The following SUSD5 variants were observed in gnomAD, a reference collection of about 807,000 sequenced individuals.
SUSD5 encodes the protein sushi domain containing 5.
In SUSD5, 33 loss-of-function variants were observed where a neutral mutation model predicts 29.5. The observed-to-expected ratio is 1.12, with a 90% CI of 0.85 to 1.49. The LOEUF is 1.49. SUSD5 is among the 40% of genes most tolerant of loss of function. The pLI is 0.00. For synonymous variants in SUSD5, 308 were observed against 325.3 expected (o/e 0.95, Z 0.57); for missense variants, 776 against 800.6 (o/e 0.97, Z 0.37).
chr3:33,181,488 C>T (rs995246795), intron 3 of SUSD5, among the ~76,000 whole-genome samples: 4 of 151,640 alleles, frequency 2.6e-5, no homozygotes, highest in Admixed American at 6.6e-5. Flanking sequence ...GACTCTCAAG[C>T]AATCCTCCTG....
chr3:33,181,936 T>C (rs1487756844), intron 3 of SUSD5, among the ~76,000 whole-genome samples: 2 of 152,242 alleles, frequency 1.3e-5, no homozygotes, highest in Non-Finnish European at 2.9e-5. Context: ...AATGTATCCC[T>C]GCTGTTAGTC....
At chr3:33,215,033 C>T (rs898645243) in intron 1 of SUSD5, among the ~76,000 whole-genome samples, 7 of 151,870 alleles carry the variant, frequency 4.6e-5, no homozygotes, top group Non-Finnish European at 8.8e-5. Flanking sequence ...AAGTCATCTA[C>T]TTGCAAAATT....
intron 4 of SUSD5, among the ~76,000 whole-genome samples, chr3:33,173,740 T>C (rs1449160959): frequency 2.0e-5 from 3 of 152,150 alleles, no homozygotes; most frequent in Admixed American, 6.5e-5. Context: ...CTAGATGTCA[T>C]GGGAGGTCAG....
intron 1 of SUSD5, among the ~76,000 whole-genome samples, chr3:33,217,018 T>C (rs1354129251): frequency 6.6e-6 from 1 of 152,208 alleles, no homozygotes; most frequent in East Asian, 1.9e-4. Flanking sequence ...TGCTCTGGTG[T>C]TGTCCTTACT....
intron 2 of SUSD5, among the ~76,000 whole-genome samples, chr3:33,209,336 T>C (rs888028970): frequency 6.6e-6 from 1 of 152,218 alleles, no homozygotes; most frequent in East Asian, 1.9e-4. Flanking sequence ...TTTTCTTCAA[T>C]TGTGGATCAT....
rs915043853 is a variant in SUSD5 at position 33,151,210 on chromosome 3, C to G, written c.*1532G>C. 2 of 152,204 alleles carry G rather than the reference C, an allele frequency of 1.3e-5. No homozygotes were observed. The highest frequency in any genetic ancestry group is 1.3e-4 in the Admixed American group (2 of 15,292). 9.4% of individuals were successfully genotyped at this position (152,204 alleles called of 1,614,324 possible). ...GGCTTGTTAAAAACAGAACTGGGCC[C>G]TACTCCCAGGGTTCCTGTTTCCTGA... On this transcript the variant is annotated 3_prime_UTR_variant, in exon 5 of 5. Transcript: ENST00000309558.
At chr3:33,190,709 T>C (rs972523779) in intron 3 of SUSD5, among the ~76,000 whole-genome samples, 1 of 152,208 alleles carries the variant, frequency 6.6e-6, no homozygotes, top group Non-Finnish European at 1.5e-5. Flanking sequence ...GGACAGAAGA[T>C]GCAGGCAGAG....
At chr3:33,169,406 C>A (rs60995467) in intron 4 of SUSD5, among the ~76,000 whole-genome samples, 111,984 of 151,714 alleles carry the variant, frequency 0.74, 41,632 homozygotes, top group South Asian at 0.92. Flanking sequence ...TATTTAGTAG[C>A]GACGGGGTTT....
intron 3 of SUSD5, among the ~76,000 whole-genome samples, chr3:33,195,585 A>T (rs1302238520): frequency 6.6e-6 from 1 of 152,228 alleles, no homozygotes. Flanking sequence ...GAAGATGTTC[A>T]ATCATGGTAT....
At chr3:33,185,207 C>T (rs904831854) in intron 3 of SUSD5, among the ~76,000 whole-genome samples, 5 of 152,218 alleles carry the variant, frequency 3.3e-5, no homozygotes, top group African/African-American at 9.6e-5. Context: ...ATTTCCCTCC[C>T]TCCAGCAGGT....
At chr3:33,198,340 T>C (rs2032036034) in intron 3 of SUSD5, among the ~76,000 whole-genome samples, 1 of 152,224 alleles carries the variant, frequency 6.6e-6, no homozygotes, top group South Asian at 2.1e-4. Flanking sequence ...AACCCAGGGA[T>C]TCTGGGTACA....
chr3:33,150,760 G>A lies in SUSD5; in HGVS notation c.*1982C>T, dbSNP rs1379951591. Reference sequence around the variant, plus strand: ...AAAGCTTGCTGAAAAGAGGTGGCAGGGTAGAAAACATGTTGCGAATGTTTT... The same window carrying A: ...AAAGCTTGCTGAAAAGAGGTGGCAGAGTAGAAAACATGTTGCGAATGTTTT... On this transcript the variant is annotated 3_prime_UTR_variant, in exon 5 of 5. Coordinates refer to ENST00000309558, the MANE Select transcript of SUSD5 (RefSeq NM_015551.2). The A allele has an allele frequency of 1.3e-5, 2 of 151,902 alleles. No homozygotes were observed. Among genetic ancestry groups the A allele is most frequent in the Non-Finnish European group, 2.9e-5 (2 of 67,978 alleles). The allele number at this position is 151,902 out of a possible 1,614,324, so 9.4% of individuals were successfully genotyped here. A position where few individuals can be genotyped will look rare whatever the true frequency, so the allele number is the denominator to read the frequency against.
At chr3:33,213,527 A>G (rs1392336429) in intron 2 of SUSD5, among the ~76,000 whole-genome samples, 1 of 152,092 alleles carries the variant, frequency 6.6e-6, no homozygotes, top group Admixed American at 6.5e-5. Flanking sequence ...GGTGGCTTAC[A>G]CTCTGGGAGG....
At chr3:33,200,460 G>A (rs535838429) in intron 3 of SUSD5, among the ~76,000 whole-genome samples, 1 of 152,304 alleles carries the variant, frequency 6.6e-6, no homozygotes, top group East Asian at 1.9e-4. Flanking sequence ...GAATGTTTTA[G>A]GTGCTTCCTC....
At chr3:33,170,627 C>T (rs867312949) in intron 4 of SUSD5, among the ~76,000 whole-genome samples, 4 of 152,220 alleles carry the variant, frequency 2.6e-5, no homozygotes, top group Admixed American at 6.5e-5. Context: ...ACCAGGTATG[C>T]GTGCCACACA....
intron 4 of SUSD5, among the ~76,000 whole-genome samples, chr3:33,162,502 TTGAAC>T (rs2031211970): frequency 6.6e-6 from 1 of 152,062 alleles, no homozygotes; most frequent in African/African-American, 2.4e-5. Flanking sequence ...AGTAAATTCT[TTGAAC>T]TGACGAGTAA....
chr3:33,198,390 C>T (rs2032037243), intron 3 of SUSD5, among the ~76,000 whole-genome samples: 1 of 152,172 alleles, frequency 6.6e-6, no homozygotes, highest in African/African-American at 2.4e-5. Context: ...TTATTGTGTT[C>T]CAGGTGTTGT....
chr3:33,171,094 C>A (rs2031416842), intron 4 of SUSD5, among the ~76,000 whole-genome samples: 1 of 152,232 alleles, frequency 6.6e-6, no homozygotes, highest in Non-Finnish European at 1.5e-5. Flanking sequence ...GCAATCCCAG[C>A]ACTTTGGGAG....
intron 3 of SUSD5, among the ~76,000 whole-genome samples, chr3:33,195,831 A>C (rs1164961998): frequency 1.3e-5 from 2 of 152,156 alleles, no homozygotes; most frequent in Non-Finnish European, 2.9e-5. Context: ...AGAACACAAA[A>C]GACTCATGCT....
Sources: gnomAD v4.1 joint callset for allele counts (sites outside exome capture counted in the v4.1 genomes callset) on GRCh38, gnomAD v4.1.1 for gene constraint, MANE v1.5 for transcripts, NCBI Gene and HGNC (gene_info 2026-07-23, HGNC 2026-07-21) for gene names.